The following CCSER1 variants were observed in gnomAD, a reference collection of about 807,000 sequenced individuals.
CCSER1 encodes serine-rich coiled-coil domain-containing protein 1.
A neutral mutation model predicts 82.0 loss-of-function variants in CCSER1; 41 were observed. The observed-to-expected ratio is 0.50, with a 90% CI of 0.39 to 0.65. The LOEUF (loss-of-function observed/expected upper bound fraction) is 0.65. CCSER1 is among the 30% of genes least tolerant of loss of function. The probability of loss-of-function intolerance (pLI) is 0.00; values close to 1 mark genes in which losing one functional copy is unlikely to be tolerated. For synonymous variants in CCSER1, 414 were observed against 383.9 expected (o/e 1.08, Z -0.92); for missense variants, 1,119 against 1,064.2 (o/e 1.05, Z -0.72).
At chr4:90,330,814 C>G (rs74555271) in intron 3 of CCSER1, among the ~76,000 whole-genome samples, 472 of 152,220 alleles carry the variant, frequency 3.1e-3, no homozygotes, top group Admixed American at 6.0e-3. Context: ...TAAAGAAGTT[C>G]AAAGATAGCC....
At chr4:90,730,337 C>A (rs1055236772) in intron 7 of CCSER1, among the ~76,000 whole-genome samples, 1 of 152,058 alleles carries the variant, frequency 6.6e-6, no homozygotes, top group African/African-American at 2.4e-5. Flanking sequence ...TATTAGAAAT[C>A]GCTTTTTTAA....
At chr4:90,454,092 A>G (rs1761854079) in intron 4 of CCSER1, among the ~76,000 whole-genome samples, 1 of 151,974 alleles carries the variant, frequency 6.6e-6, no homozygotes, top group Non-Finnish European at 1.5e-5. Context: ...TGGCTTTCTC[A>G]TGTTGCCTGG....
intron 10 of CCSER1, among the ~76,000 whole-genome samples, chr4:91,435,303 G>A (rs1276128664): frequency 2.0e-5 from 3 of 151,970 alleles, no homozygotes; most frequent in African/African-American, 7.2e-5. Context: ...TTAGCTGGGA[G>A]TGGTGGCTGT....
Position 90,308,626 on chromosome 4 carries a change from A to G in CCSER1, c.342A>G (p.Arg114=), listed in dbSNP as rs771050471. Residue 114 remains arginine (R), a synonymous_variant, in exon 2 of 11, where the codon AGA becomes AGG. Coordinates refer to ENST00000509176, the MANE Select transcript of CCSER1 (RefSeq NM_001145065.2). Reference sequence around the variant, plus strand: ...AAGAACATATTAAGACCAGGGGAAGACATTCTGTTGGTTTTAGTAGTTCAC... The same window carrying G: ...AAGAACATATTAAGACCAGGGGAAGGCATTCTGTTGGTTTTAGTAGTTCAC... The part of the protein sequence containing the change: ...SLEEHIKTRG[R]HSVGFSSSRN... 68 of 1,613,752 alleles carry G rather than the reference A, an allele frequency of 4.2e-5. No individual in the cohort carries two copies. Among genetic ancestry groups the G allele is most frequent in the Non-Finnish European group, 1.2e-5 (14 of 1,179,868 alleles).
intron 8 of CCSER1, among the ~76,000 whole-genome samples, chr4:90,869,097 AGTT>A (rs1356091010): frequency 6.6e-6 from 1 of 151,914 alleles, no homozygotes; most frequent in Non-Finnish European, 1.5e-5. Context: ...TATATATTCT[AGTT>A]ATTAATCCCT....
chr4:90,872,485 AT>A (rs1467602091), intron 8 of CCSER1, among the ~76,000 whole-genome samples: 2 of 152,036 alleles, frequency 1.3e-5, no homozygotes, highest in East Asian at 3.9e-4. Context: ...GCAAGTCAAT[AT>A]AAAATGAATA....
intron 10 of CCSER1, among the ~76,000 whole-genome samples, chr4:91,425,096 A>C (rs796747851): frequency 2.9e-4 from 44 of 152,218 alleles, no homozygotes; most frequent in African/African-American, 9.1e-4. Flanking sequence ...TTAAGAAATT[A>C]ATTTGTTTCT....
At position 90,933,035 on chromosome 4, in the gene CCSER1, AGAAAGAAAGAGAAG is replaced by A. The variant is rs1230309473; in HGVS notation, c.2172+9592_2172+9605del. Among the ~76,000 whole-genome samples the A allele has an allele frequency of 1.8e-5, 2 of 112,046 alleles. 1 individual carries two copies. Among genetic ancestry groups the A allele is most frequent in the Non-Finnish European group, 3.6e-5 (2 of 54,932 alleles). 73.5% of individuals were successfully genotyped at this position (112,046 alleles called of 152,430 possible). A position where few individuals can be genotyped will look rare whatever the true frequency, so the allele number is the denominator to read the frequency against. On this transcript the variant is annotated intron_variant, in intron 9 of 10. Transcript: ENST00000509176. ...AAGAAAGAAAGAAAGAAAGAAAGAA[AGAAAGAAAGAGAAG>A]GAAGGAACGAAGGAAAGAAGAAAAG...
At chr4:91,036,644 T>A (rs2150567499) in intron 9 of CCSER1, among the ~76,000 whole-genome samples, 1 of 152,288 alleles carries the variant, frequency 6.6e-6, no homozygotes, top group East Asian at 1.9e-4. Context: ...AGTGAGGGTA[T>A]AATATAAACA....
chr4:90,415,541 G>A (rs1755657991), intron 4 of CCSER1, among the ~76,000 whole-genome samples: 1 of 152,132 alleles, frequency 6.6e-6, no homozygotes, highest in African/African-American at 2.4e-5. Flanking sequence ...GTTATTTCCT[G>A]ATGAATCCTC....
intron 10 of CCSER1, among the ~76,000 whole-genome samples, chr4:91,151,307 G>C (rs1401958497): frequency 6.6e-6 from 1 of 152,130 alleles, no homozygotes; most frequent in Non-Finnish European, 1.5e-5. Flanking sequence ...TGTGGGATCA[G>C]TGGTGATATC....
At chr4:91,315,035 ATAG>A (rs1745731514) in intron 10 of CCSER1, among the ~76,000 whole-genome samples, 1 of 151,934 alleles carries the variant, frequency 6.6e-6, no homozygotes, top group African/African-American at 2.4e-5. Flanking sequence ...ACTCTGAACA[ATAG>A]TAGAATATAA....
intron 10 of CCSER1, among the ~76,000 whole-genome samples, chr4:91,590,227 A>T (rs1357808631): frequency 1.3e-5 from 2 of 152,034 alleles, no homozygotes; most frequent in Non-Finnish European, 2.9e-5. Flanking sequence ...GCGAGGTTGA[A>T]CCAGAAGAAG....
At chr4:91,013,272 T>C (rs1208628122) in intron 9 of CCSER1, among the ~76,000 whole-genome samples, 1 of 133,894 alleles carries the variant, frequency 7.5e-6, no homozygotes, top group African/African-American at 2.5e-5. Flanking sequence ...GTCCAATTTT[T>C]TCTTTTGTAT....
chr4:90,364,865 G>A (rs1301308628), intron 3 of CCSER1, among the ~76,000 whole-genome samples: 2 of 151,594 alleles, frequency 1.3e-5, no homozygotes, highest in African/African-American at 4.8e-5. Flanking sequence ...TTGAAAATAT[G>A]AAACAAAAAA....
At chr4:90,875,480 T>G (rs1298054049) in intron 8 of CCSER1, among the ~76,000 whole-genome samples, 1 of 152,194 alleles carries the variant, frequency 6.6e-6, no homozygotes, top group African/African-American at 2.4e-5. Context: ...TGTTGAAGTC[T>G]ATTCATTTAT....
intron 10 of CCSER1, among the ~76,000 whole-genome samples, chr4:91,182,249 GT>G (rs1366421409): frequency 6.6e-6 from 1 of 152,084 alleles, no homozygotes; most frequent in Non-Finnish European, 1.5e-5. Context: ...TGTCTTGATG[GT>G]ATCCAAATTG....
At chr4:90,633,304 A>G (rs1724790238) in intron 6 of CCSER1, among the ~76,000 whole-genome samples, 1 of 152,064 alleles carries the variant, frequency 6.6e-6, no homozygotes, top group African/African-American at 2.4e-5. Flanking sequence ...TATGTAGTAA[A>G]TTTCTCCTCT....
chr4:90,267,511 G>A (rs1307732684), intron 1 of CCSER1, among the ~76,000 whole-genome samples: 1 of 152,100 alleles, frequency 6.6e-6, no homozygotes, highest in Non-Finnish European at 1.5e-5. Flanking sequence ...GATAGGTAGT[G>A]GCTATAGCAG....
Sources: gnomAD v4.1 joint callset for allele counts (sites outside exome capture counted in the v4.1 genomes callset) on GRCh38, gnomAD v4.1.1 for gene constraint, MANE v1.5 for transcripts, NCBI Gene and HGNC (gene_info 2026-07-23, HGNC 2026-07-21) for gene names.